Variants in PACS1 observed in about 807,000 individuals in gnomAD.
PACS1 encodes PACS-1.
In PACS1, 24 loss-of-function variants were observed where a neutral mutation model predicts 115.0. That is an observed-to-expected ratio of 0.21 (90% CI 0.15 to 0.29). The LOEUF is 0.29. PACS1 is among the 10% of genes least tolerant of loss of function. PACS1 has a pLI of 1.00. For synonymous variants in PACS1, 453 were observed against 504.5 expected, an observed-to-expected ratio of 0.90 and a Z score of 1.37; for missense variants, 838 against 1,251.2, an observed-to-expected ratio of 0.67 and a Z score of 4.98.
At chr11:66,215,651 G>C (rs1047596012) in intron 4 of PACS1, among the ~76,000 whole-genome samples, 7 of 151,784 alleles carry the variant, frequency 4.6e-5, no homozygotes. Flanking sequence ...TGTTATCCCA[G>C]CACTTGGGAG....
intron 1 of PACS1, among the ~76,000 whole-genome samples, chr11:66,142,600 G>A (rs942460890): frequency 7.4e-5 from 11 of 148,478 alleles, no homozygotes; most frequent in Admixed American, 1.4e-4. Context: ...GAGGCACTGC[G>A]TCTGGCTTAT....
chr11:66,211,880 G>A (rs934936412), intron 4 of PACS1, among the ~76,000 whole-genome samples: 2 of 152,050 alleles, frequency 1.3e-5, no homozygotes, highest in African/African-American at 2.4e-5. Context: ...TGTGTCCTTC[G>A]TCCCCTTCGG....
intron 1 of PACS1, among the ~76,000 whole-genome samples, chr11:66,102,061 C>T (rs1857930354): frequency 6.6e-6 from 1 of 152,132 alleles, no homozygotes; most frequent in Non-Finnish European, 1.5e-5. Flanking sequence ...CTTTCTGAGG[C>T]ATTGAAGGCA....
chr11:66,143,576 C>T (rs1859050736), intron 1 of PACS1, among the ~76,000 whole-genome samples: 3 of 152,174 alleles, frequency 2.0e-5, no homozygotes, highest in Admixed American at 2.0e-4. Context: ...ATTTAGTTTG[C>T]CATGATTTTT....
At chr11:66,168,544 G>T (rs1424932323) in intron 1 of PACS1, among the ~76,000 whole-genome samples, 1 of 150,180 alleles carries the variant, frequency 6.7e-6, no homozygotes, top group Non-Finnish European at 1.5e-5. Flanking sequence ...AATCCTGTTG[G>T]TTTCAATCCT....
chr11:66,195,627 A>G (rs1476757372), intron 2 of PACS1, among the ~76,000 whole-genome samples: 1 of 152,224 alleles, frequency 6.6e-6, no homozygotes, highest in Non-Finnish European at 1.5e-5. Flanking sequence ...CAAAACTACA[A>G]ATATTTTGAA....
At chr11:66,141,401 C>A (rs1391409912) in intron 1 of PACS1, among the ~76,000 whole-genome samples, 1 of 152,122 alleles carries the variant, frequency 6.6e-6, no homozygotes, top group Non-Finnish European at 1.5e-5. Flanking sequence ...CCCCTGTAAT[C>A]CCAGCAGTTT....
At chr11:66,088,387 C>G (rs534658083) in intron 1 of PACS1, among the ~76,000 whole-genome samples, 24 of 152,128 alleles carry the variant, frequency 1.6e-4, no homozygotes, top group Admixed American at 1.6e-3. Flanking sequence ...TATTGTTTGC[C>G]TTCGACATTT....
intron 22 of PACS1, among the ~76,000 whole-genome samples, chr11:66,242,187 G>A (rs929294363): frequency 2.6e-5 from 4 of 152,232 alleles, no homozygotes; most frequent in African/African-American, 9.6e-5. Flanking sequence ...GTGGGAGTGA[G>A]GCAGGAACCC....
At position 66,122,388 on chromosome 11, in the gene PACS1, C is replaced by A. The variant is rs374866842; in HGVS notation, c.356+51546C>A. Among the ~76,000 whole-genome samples, 84 of 152,280 alleles carry A rather than the reference C, an allele frequency of 5.5e-4. 4 individuals carry two copies. The South Asian group carries it at 0.016, about 30-fold the overall frequency. On this transcript the variant is annotated intron_variant, in intron 1 of 23. Coordinates refer to ENST00000320580, the MANE Select transcript of PACS1 (RefSeq NM_018026.4). ...TAATGTTGTTTTCATGCCTGTTAAC[C>A]ACAACATCCATGCAGCAGCCCATGG...
intron 1 of PACS1, among the ~76,000 whole-genome samples, chr11:66,122,659 C>T (rs972119056): frequency 2.6e-5 from 4 of 152,070 alleles, no homozygotes; most frequent in Admixed American, 6.5e-5. Flanking sequence ...AAGGTGCTCA[C>T]GACTTCAGTG....
At chr11:66,078,196 T>C (rs1256016007) in intron 1 of PACS1, among the ~76,000 whole-genome samples, 4 of 152,204 alleles carry the variant, frequency 2.6e-5, no homozygotes, top group Non-Finnish European at 5.9e-5. Context: ...GTAAATACAG[T>C]GGTATCCACA....
At chr11:66,197,813 A>C (rs1854682978) in intron 2 of PACS1, among the ~76,000 whole-genome samples, 1 of 152,186 alleles carries the variant, frequency 6.6e-6, no homozygotes, top group African/African-American at 2.4e-5. Context: ...AATAAAAAAT[A>C]AATAAAAAAT....
chr11:66,149,642 A>G (rs2134606251), intron 1 of PACS1, among the ~76,000 whole-genome samples: 1 of 152,220 alleles, frequency 6.6e-6, no homozygotes, highest in South Asian at 2.1e-4. Flanking sequence ...CCCGGTCTAT[A>G]AACAGCACTT....
At chr11:66,128,779 G>T (rs909724760) in intron 1 of PACS1, among the ~76,000 whole-genome samples, 4 of 151,832 alleles carry the variant, frequency 2.6e-5, no homozygotes, top group Admixed American at 6.6e-5. Flanking sequence ...AGCTACTTAA[G>T]AGGCTGAGGC....
Position 66,239,282 on chromosome 11 carries a change from G to T in PACS1, c.2429+5G>T, listed in dbSNP as rs1311348487. Reference sequence around the variant, plus strand: ...CAGCGCCCTGGCCATCGTGGGGTAAGGCTCCTGCCCGTACCTGTCCTGCCA... The same window carrying T: ...CAGCGCCCTGGCCATCGTGGGGTAATGCTCCTGCCCGTACCTGTCCTGCCA... On this transcript the variant is annotated splice_donor_5th_base_variant and intron_variant, in intron 21 of 23. Coordinates refer to ENST00000320580, the MANE Select transcript of PACS1 (RefSeq NM_018026.4). The T allele has an allele frequency of 6.2e-7, 1 of 1,609,816 alleles. No homozygotes were observed. The highest frequency in any genetic ancestry group is 8.5e-7 in the Non-Finnish European group (1 of 1,178,632).
At chr11:66,238,191 C>A (rs1055774018) in intron 19 of PACS1, 1 of 985,276 alleles carries the variant, frequency 1.0e-6, no homozygotes, top group African/African-American at 1.7e-5. Flanking sequence ...CAGTACACTT[C>A]CAGATTCCAG....
At chr11:66,212,679 T>C (rs1426413242) in intron 4 of PACS1, among the ~76,000 whole-genome samples, 1 of 152,056 alleles carries the variant, frequency 6.6e-6, no homozygotes, top group East Asian at 1.9e-4. Context: ...GAGGTAAATA[T>C]ATTAAGGGGA....
chr11:66,243,649 A>C lies in PACS1; in HGVS notation c.*369A>C, dbSNP rs1260088564. On this transcript the variant is annotated 3_prime_UTR_variant, in exon 24 of 24. Coordinates refer to ENST00000320580, the MANE Select transcript of PACS1 (RefSeq NM_018026.4). ...CCTTCTCGGAAATGAGAAAGCTGGAATCCTGGTCCCCAGCAGGAGAGCCTA... is the reference window on the plus strand; with the variant it reads ...CCTTCTCGGAAATGAGAAAGCTGGACTCCTGGTCCCCAGCAGGAGAGCCTA... The C allele has an allele frequency of 1.5e-5, 3 of 205,244 alleles. No homozygotes were observed. The highest frequency in any genetic ancestry group is 1.1e-4 in the Admixed American group (2 of 18,880). The allele number at this position is 205,244 out of a possible 1,614,324, so 12.7% of individuals were successfully genotyped here. A position where few individuals can be genotyped will look rare whatever the true frequency, so the allele number is the denominator to read the frequency against.
Sources: gnomAD v4.1 joint callset for allele counts (sites outside exome capture counted in the v4.1 genomes callset) on GRCh38, gnomAD v4.1.1 for gene constraint, MANE v1.5 for transcripts, NCBI Gene and HGNC (gene_info 2026-07-23, HGNC 2026-07-21) for gene names.